Variants in DGKB observed in about 807,000 individuals in gnomAD.
DGKB encodes diacylglycerol kinase beta.
A neutral mutation model predicts 114.3 loss-of-function variants in DGKB; 67 were observed. The ratio of observed to expected loss-of-function variants is 0.59; its 90% CI spans 0.48 to 0.72. DGKB has a LOEUF of 0.72. Among genes scored for constraint, DGKB ranks in the 30% least tolerant of loss-of-function variants. The pLI is 0.00. For synonymous variants in DGKB, 398 were observed against 323.1 expected (o/e 1.23, Z -2.49); for missense variants, 907 against 975.2 (o/e 0.93, Z 0.93).
At chr7:14,549,451 C>A (rs1794798197) in intron 20 of DGKB, among the ~76,000 whole-genome samples, 1 of 151,674 alleles carries the variant, frequency 6.6e-6, no homozygotes, top group African/African-American at 2.4e-5. Flanking sequence ...CTTCTTTCAC[C>A]AAATAACCTA....
At chr7:14,614,391 T>C (rs1326240116) in intron 15 of DGKB, among the ~76,000 whole-genome samples, 1 of 152,102 alleles carries the variant, frequency 6.6e-6, no homozygotes. Flanking sequence ...TACAGTTTGA[T>C]GAAAAAAATT....
intron 23 of DGKB, among the ~76,000 whole-genome samples, chr7:14,320,245 T>C (rs1233442119): frequency 6.6e-6 from 1 of 152,198 alleles, no homozygotes; most frequent in Non-Finnish European, 1.5e-5. Context: ...CCAGGTGTTC[T>C]ATCTACTTCT....
At chr7:14,498,219 C>T (rs1390906231) in intron 20 of DGKB, among the ~76,000 whole-genome samples, 1 of 151,814 alleles carries the variant, frequency 6.6e-6, no homozygotes, top group Non-Finnish European at 1.5e-5. Context: ...TACACATTCT[C>T]CTTAATAGCA....
chr7:14,902,270 G>A (rs1228714088), intron 1 of DGKB, among the ~76,000 whole-genome samples: 1 of 152,144 alleles, frequency 6.6e-6, no homozygotes, highest in Non-Finnish European at 1.5e-5. Context: ...AAGACAAGCT[G>A]CTATCTCATT....
intron 1 of DGKB, among the ~76,000 whole-genome samples, chr7:14,970,730 T>A (rs1787415713): frequency 6.6e-6 from 1 of 152,162 alleles, no homozygotes; most frequent in South Asian, 2.1e-4. Context: ...CCAAAGGCTA[T>A]ACTTTTATCT....
intron 23 of DGKB, among the ~76,000 whole-genome samples, chr7:14,214,493 T>C (rs1788642936): frequency 6.6e-6 from 1 of 152,120 alleles, no homozygotes. Context: ...GCAGAAAATA[T>C]ATGTAAATAT....
At chr7:14,273,627 C>G (rs1034202070) in intron 23 of DGKB, among the ~76,000 whole-genome samples, 1 of 152,124 alleles carries the variant, frequency 6.6e-6, no homozygotes, top group African/African-American at 2.4e-5. Context: ...TAAATTTTCA[C>G]GTGATAAGGT....
chr7:14,904,357 A>C (rs1326658070), upstream of DGKB, among the ~76,000 whole-genome samples: 1 of 152,296 alleles, frequency 6.6e-6, no homozygotes, highest in Admixed American at 6.5e-5. Context: ...TCTGCCTCTG[A>C]GTACTTTTCA....
chr7:14,400,245 C>A (rs1822894125), intron 21 of DGKB, among the ~76,000 whole-genome samples: 1 of 151,680 alleles, frequency 6.6e-6, no homozygotes, highest in Non-Finnish European at 1.5e-5. Flanking sequence ...TCAGAATAAC[C>A]CACAGACTTC....
At chr7:14,352,162 T>C (rs1211572505) in intron 21 of DGKB, among the ~76,000 whole-genome samples, 1 of 152,206 alleles carries the variant, frequency 6.6e-6, no homozygotes, top group South Asian at 2.1e-4. Context: ...AATCATATGC[T>C]ACTCCATCTT....
At chr7:14,238,472 G>T (rs1384026269) in intron 23 of DGKB, among the ~76,000 whole-genome samples, 2 of 136,008 alleles carry the variant, frequency 1.5e-5, no homozygotes, top group East Asian at 4.1e-4. Context: ...TTATAGCCGT[G>T]CAAAAACAGA....
rs1191190425 is a variant in DGKB at position 14,154,475 on chromosome 7, G to A, written c.2305-5237C>T. Among the ~76,000 whole-genome samples the A allele has an allele frequency of 6.6e-5, 10 of 151,812 alleles. No homozygotes were observed. In the Admixed American group the frequency reaches 6.6e-4, roughly 10 times the overall value. On this transcript the variant is annotated intron_variant, in intron 25 of 25. Transcript: ENST00000402815. ...TCATTTCCCTCATCAATACTGTAGA[G>A]CTTTTCATATAGTGTCTCACTGGTT...
chr7:14,877,358 C>T (rs901101715), intron 1 of DGKB, among the ~76,000 whole-genome samples: 1 of 152,208 alleles, frequency 6.6e-6, no homozygotes, highest in Non-Finnish European at 1.5e-5. Flanking sequence ...GAGTTTGAGA[C>T]TAGCCTGACC....
At chr7:14,598,150 C>G (rs1802915434) in intron 17 of DGKB, among the ~76,000 whole-genome samples, 1 of 152,096 alleles carries the variant, frequency 6.6e-6, no homozygotes, top group Non-Finnish European at 1.5e-5. Context: ...TTCCAAAAAA[C>G]TTTATTTAGA....
At chr7:14,729,278 A>AC (rs1830534816) in intron 5 of DGKB, among the ~76,000 whole-genome samples, 4 of 137,818 alleles carry the variant, frequency 2.9e-5, no homozygotes, top group African/African-American at 7.6e-5. Flanking sequence ...GCCTGCCACC[A>AC]CATCCGGCTA....
At chr7:14,407,753 T>C (rs1321201252) in intron 21 of DGKB, among the ~76,000 whole-genome samples, 1 of 152,068 alleles carries the variant, frequency 6.6e-6, no homozygotes, top group Non-Finnish European at 1.5e-5. Flanking sequence ...CAAATGAAGA[T>C]GCAATAAGAA....
intron 2 of DGKB, among the ~76,000 whole-genome samples, chr7:14,833,299 T>C (rs1417012980): frequency 6.6e-6 from 1 of 152,280 alleles, no homozygotes; most frequent in East Asian, 1.9e-4. Context: ...AATTTTGCTA[T>C]CTCCAGAATT....
intron 12 of DGKB, among the ~76,000 whole-genome samples, chr7:14,680,898 A>C (rs549438090): frequency 6.6e-6 from 1 of 152,152 alleles, no homozygotes; most frequent in Non-Finnish European, 1.5e-5. Context: ...AAAAGAAAAT[A>C]TGAATAATAA....
chr7:14,370,207 C>T (rs1817401128), intron 21 of DGKB, among the ~76,000 whole-genome samples: 1 of 152,150 alleles, frequency 6.6e-6, no homozygotes, highest in Non-Finnish European at 1.5e-5. Flanking sequence ...ATAGGGAATC[C>T]TTTCCCCATT....
Sources: allele counts gnomAD v4.1 joint callset (sites outside exome capture counted in the v4.1 genomes callset), GRCh38; gene constraint gnomAD v4.1.1; transcripts MANE v1.5; gene names NCBI Gene and HGNC (gene_info 2026-07-23, HGNC 2026-07-21).